Variants in SAMD12 observed in about 807,000 individuals in gnomAD.
The protein encoded by SAMD12 is sterile alpha motif domain containing 12.
In SAMD12, 9 loss-of-function variants were observed where a neutral mutation model predicts 15.0. The observed-to-expected ratio is 0.60, with a 90% confidence interval of 0.36 to 1.05. SAMD12 has a LOEUF of 1.05. Among genes scored for constraint, SAMD12 ranks in the 50% least tolerant of loss-of-function variants. SAMD12 has a pLI of 0.01. For synonymous variants in SAMD12, 86 were observed against 90.1 expected (o/e 0.96, Z 0.25); for missense variants, 230 against 234.2 (o/e 0.98, Z 0.12).
chr8:118,521,011 ACAATTAAAAT>A (rs1172378756), intron 2 of SAMD12, among the ~76,000 whole-genome samples: 3 of 152,214 alleles, frequency 2.0e-5, no homozygotes, highest in African/African-American at 7.2e-5. Flanking sequence ...GTGTCGATTT[ACAATTAAAAT>A]GTATATTAAT....
intron 2 of SAMD12, among the ~76,000 whole-genome samples, chr8:118,448,400 C>A (rs1226259243): frequency 6.6e-6 from 1 of 152,202 alleles, no homozygotes; most frequent in African/African-American, 2.4e-5. Flanking sequence ...TTGCAACCTG[C>A]ACAATGACAA....
At chr8:118,393,682 T>G (rs1428019170) in intron 3 of SAMD12, among the ~76,000 whole-genome samples, 1 of 152,020 alleles carries the variant, frequency 6.6e-6, no homozygotes, top group African/African-American at 2.4e-5. Context: ...CACTGCAACC[T>G]CCGCCTCCTG....
intron 4 of SAMD12, among the ~76,000 whole-genome samples, chr8:118,204,110 A>C (rs1272506374): frequency 1.3e-5 from 2 of 152,122 alleles, no homozygotes; most frequent in Non-Finnish European, 2.9e-5. Flanking sequence ...ATGCAATCAA[A>C]ACCTCTAATA....
At chr8:118,435,064 C>T (rs1253170253) in intron 3 of SAMD12, among the ~76,000 whole-genome samples, 1 of 24,224 alleles carries the variant, frequency 4.1e-5, no homozygotes, top group African/African-American at 9.0e-5. Context: ...GATCCCGCCA[C>T]TGCACTCCAG....
chr8:118,485,856 A>G (rs1235544171), intron 2 of SAMD12, among the ~76,000 whole-genome samples: 1 of 152,240 alleles, frequency 6.6e-6, no homozygotes, highest in Non-Finnish European at 1.5e-5. Flanking sequence ...CATGTGTGAA[A>G]CAACACATAT....
At chr8:118,463,797 G>T (rs1823506556) in intron 2 of SAMD12, among the ~76,000 whole-genome samples, 1 of 151,938 alleles carries the variant, frequency 6.6e-6, no homozygotes, top group African/African-American at 2.4e-5. Context: ...TCAGCTGGGG[G>T]GGATCAGACG....
At chr8:118,530,916 A>C (rs1276566003) in intron 2 of SAMD12, among the ~76,000 whole-genome samples, 1 of 152,218 alleles carries the variant, frequency 6.6e-6, no homozygotes, top group Non-Finnish European at 1.5e-5. Context: ...ATCATAGCAC[A>C]CAGCATTCTT....
At chr8:118,603,859 G>A (rs1827924469) in intron 1 of SAMD12, among the ~76,000 whole-genome samples, 1 of 152,004 alleles carries the variant, frequency 6.6e-6, no homozygotes, top group South Asian at 2.1e-4. Flanking sequence ...TATATTGGAA[G>A]GAAATTAAAC....
At position 118,505,474 on chromosome 8, in the gene SAMD12, G is replaced by A. The variant is rs900105105; in HGVS notation, c.193-65513C>T. 4.6e-5 allele frequency among the ~76,000 whole-genome samples: 7 copies of A among 151,892 alleles called. 1 individual carries two copies. The highest frequency in any genetic ancestry group is 7.4e-5 in the Non-Finnish European group (5 of 67,998). ...TGTTAGGTTGGCTTCTATGAAAACC[G>A]TTTGGAAAGCAGGCAGACTCTTCTG... On this transcript the variant is annotated intron_variant, in intron 2 of 3. Transcript: ENST00000314727.
At chr8:118,576,308 C>T (rs1162351784) in intron 2 of SAMD12, among the ~76,000 whole-genome samples, 1 of 152,200 alleles carries the variant, frequency 6.6e-6, no homozygotes, top group African/African-American at 2.4e-5. Flanking sequence ...GTGCTAGTGG[C>T]TATTGTATTG....
intron 2 of SAMD12, among the ~76,000 whole-genome samples, chr8:118,564,544 CTCTG>C (rs1275851595): frequency 6.6e-6 from 1 of 152,208 alleles, no homozygotes; most frequent in Non-Finnish European, 1.5e-5. Context: ...CTGACAGTCT[CTCTG>C]TCTGGTAAAA....
chr8:118,279,064 A>ATGT (rs1813542198), intron 4 of SAMD12, among the ~76,000 whole-genome samples: 6 of 152,160 alleles, frequency 3.9e-5, no homozygotes, highest in Admixed American at 3.9e-4. Context: ...TCAGGAAAAA[A>ATGT]ATTACACAAT....
At chr8:118,618,548 C>A (rs1005927868) in intron 1 of SAMD12, among the ~76,000 whole-genome samples, 1 of 152,062 alleles carries the variant, frequency 6.6e-6, no homozygotes, top group African/African-American at 2.4e-5. Context: ...TTTATTTAAT[C>A]CTCACAATGA....
At chr8:118,349,462 G>C (rs1817843328) in intron 4 of SAMD12, among the ~76,000 whole-genome samples, 1 of 152,206 alleles carries the variant, frequency 6.6e-6, no homozygotes, top group African/African-American at 2.4e-5. Flanking sequence ...AAATTGGTTT[G>C]CTGTCTCCTT....
chr8:118,338,892 C>T (rs1020443658), intron 4 of SAMD12, among the ~76,000 whole-genome samples: 14 of 152,086 alleles, frequency 9.2e-5, no homozygotes, highest in African/African-American at 3.1e-4. Flanking sequence ...ATCAACACTC[C>T]GTAAAATGTT....
At chr8:118,570,209 CAG>C (rs1243650833) in intron 2 of SAMD12, among the ~76,000 whole-genome samples, 1 of 151,864 alleles carries the variant, frequency 6.6e-6, no homozygotes, top group Non-Finnish European at 1.5e-5. Context: ...TTCAGGCAAT[CAG>C]AGACTTTAAC....
intron 4 of SAMD12, among the ~76,000 whole-genome samples, chr8:118,343,352 GGT>G (rs1282857661): frequency 1.3e-5 from 2 of 150,682 alleles, no homozygotes; most frequent in Non-Finnish European, 2.9e-5. Flanking sequence ...AATAATAAAA[GGT>G]AGTTTTGGAG....
intron 4 of SAMD12, among the ~76,000 whole-genome samples, chr8:118,368,534 TG>T (rs1818917808): frequency 6.6e-6 from 1 of 152,080 alleles, no homozygotes; most frequent in African/African-American, 2.4e-5. Flanking sequence ...CTTTACTTGA[TG>T]GGTCAATAGA....
chr8:118,376,115 T>C (rs549468099), downstream of SAMD12, among the ~76,000 whole-genome samples: 1 of 152,328 alleles, frequency 6.6e-6, no homozygotes, highest in Non-Finnish European at 1.5e-5. Flanking sequence ...TCCAAGAAAC[T>C]ATATTTTGAA....
Sources: gnomAD v4.1 joint callset for allele counts (sites outside exome capture counted in the v4.1 genomes callset) on GRCh38, gnomAD v4.1.1 for gene constraint, MANE v1.5 for transcripts, NCBI Gene and HGNC (gene_info 2026-07-23, HGNC 2026-07-21) for gene names.